Variants in TEX14 observed in about 807,000 individuals in gnomAD.
The protein encoded by TEX14 is inactive serine/threonine-protein kinase TEX14.
TEX14 carries 168 observed loss-of-function variants against 178.6 expected under a neutral mutation model. The observed-to-expected ratio is 0.94, with a 90% CI of 0.83 to 1.07. TEX14 has a LOEUF of 1.07. Among genes scored for constraint, TEX14 ranks in the 50% least tolerant of loss-of-function variants. The probability of loss-of-function intolerance (pLI) is 0.00; values close to 1 mark genes in which losing one functional copy is unlikely to be tolerated. For missense variants in TEX14, 1,730 were observed against 1,753.6 expected (o/e 0.99, Z 0.24); for synonymous variants, 626 against 634.1 (o/e 0.99, Z 0.19).
chr17:58,628,096 A>T (rs1011320994), intron 3 of TEX14, among the ~76,000 whole-genome samples: 1 of 152,000 alleles, frequency 6.6e-6, no homozygotes, highest in Non-Finnish European at 1.5e-5. Context: ...AATACGGTAG[A>T]GCCAGTAGAG....
chr17:58,627,762 T>A (rs977331397), intron 3 of TEX14, among the ~76,000 whole-genome samples: 1 of 124,412 alleles, frequency 8.0e-6, no homozygotes, highest in Non-Finnish European at 1.7e-5. Context: ...AGAGCAAGAC[T>A]CTATCTCAAA....
intron 2 of TEX14, chr17:58,631,595 G>A (rs544270340): frequency 6.8e-6 from 1 of 147,176 alleles, no homozygotes; most frequent in South Asian, 2.2e-4. Flanking sequence ...TTAAAAACAT[G>A]AGGAAACCAA....
At position 58,598,880 on chromosome 17, in the gene TEX14, C is replaced by T; in HGVS notation, c.2465G>A (p.Arg822Lys). The T allele has an allele frequency of 6.3e-7, 1 of 1,593,082 alleles. No individual in the cohort carries two copies. The highest frequency in any genetic ancestry group is 8.5e-7 in the Non-Finnish European group (1 of 1,170,734). The stretch of plus-strand genomic sequence containing the variant: ...TCCCCCTTGAAAGTCTCTTACCATT[C>T]TTGGAAATCTTGGTAGGGTTGGGTA... ...GNYPTLPRFP[R>K]MLPTLCDPGK... The change falls in exon 14 of 32, where the codon AGA becomes AAA. Residue 822 changes from arginine to lysine, a missense_variant. This residue lies in a region of TEX14 where 941 missense variants were observed against 1,072.4 expected (regional missense o/e 0.88). Coordinates refer to ENST00000349033, the MANE Select transcript of TEX14 (RefSeq NM_031272.5).
intron 10 of TEX14, 32 bp downstream of exon 10, chr17:58,611,129 C>T (rs1302149959): frequency 1.3e-6 from 2 of 1,571,242 alleles, no homozygotes; most frequent in South Asian, 1.1e-5. Flanking sequence ...AGATCAACTT[C>T]AGGAGAAAGT....
chr17:58,667,957 C>A (rs1005320218), intron 1 of TEX14, among the ~76,000 whole-genome samples: 2 of 151,594 alleles, frequency 1.3e-5, no homozygotes, highest in Non-Finnish European at 1.5e-5. Flanking sequence ...GGCTTCTGAA[C>A]CTTCTCATAG....
chr17:58,595,204 G>C (rs1243693601), intron 14 of TEX14, among the ~76,000 whole-genome samples: 1 of 152,056 alleles, frequency 6.6e-6, no homozygotes, highest in Non-Finnish European at 1.5e-5. Flanking sequence ...AAAATTTTAA[G>C]AACTAAGAAA....
chr17:58,606,219 A>G (rs1025755844), intron 10 of TEX14, among the ~76,000 whole-genome samples: 4 of 152,218 alleles, frequency 2.6e-5, no homozygotes, highest in African/African-American at 7.2e-5. Flanking sequence ...GGGTAAACTC[A>G]GCACTGACTT....
intron 1 of TEX14, among the ~76,000 whole-genome samples, chr17:58,669,721 G>C (rs1173444442): frequency 8.6e-6 from 1 of 115,856 alleles, no homozygotes; most frequent in African/African-American, 3.5e-5. Context: ...GCAACAGAGA[G>C]AGACTCCGTC....
chr17:58,576,106 T>C (rs2044668603), intron 21 of TEX14, among the ~76,000 whole-genome samples: 1 of 152,246 alleles, frequency 6.6e-6, no homozygotes, highest in South Asian at 2.1e-4. Flanking sequence ...AAATTGAATG[T>C]TATTGTGCCA....
chr17:58,561,125 T>G (rs2044265171), intron 29 of TEX14, among the ~76,000 whole-genome samples: 1 of 152,244 alleles, frequency 6.6e-6, no homozygotes. Flanking sequence ...TTTTACAGAA[T>G]CTAACATTTC....
At position 58,680,134 on chromosome 17, in the gene TEX14, C is replaced by T. The variant is rs565348166; in HGVS notation, c.-2+11805G>A. Among the ~76,000 whole-genome samples, 13 of 152,088 alleles carry T rather than the reference C, an allele frequency of 8.5e-5. No homozygotes were observed. The South Asian group carries it at 2.7e-3, about 32-fold the overall frequency. On this transcript the variant is annotated intron_variant, in intron 1 of 31. Transcript: ENST00000349033. ...TTGCTTTGTTGCCCAGGCTGGGGTACAGTAGTTATCGAACTTCTGGCCTCA... is the reference window on the plus strand; with the variant it reads ...TTGCTTTGTTGCCCAGGCTGGGGTATAGTAGTTATCGAACTTCTGGCCTCA...
intron 1 of TEX14, among the ~76,000 whole-genome samples, chr17:58,676,386 C>CA (rs577527311): frequency 7.4e-5 from 11 of 148,628 alleles, no homozygotes; most frequent in African/African-American, 1.2e-4. Context: ...CAAAAAAAAC[C>CA]AAAAAAACAA....
intron 28 of TEX14, among the ~76,000 whole-genome samples, chr17:58,563,071 TC>T (rs1442819234): frequency 1.1e-4 from 5 of 44,914 alleles, no homozygotes; most frequent in African/African-American, 2.7e-4. Flanking sequence ...AGACTCTGTC[TC>T]AAAAAAAAAA....
intron 6 of TEX14, among the ~76,000 whole-genome samples, chr17:58,616,858 G>A (rs1454964482): frequency 1.3e-5 from 2 of 152,224 alleles, no homozygotes; most frequent in African/African-American, 4.8e-5. Context: ...CTGGGACTGA[G>A]AAGCCCATTG....
intron 2 of TEX14, chr17:58,631,618 T>A (rs368243): frequency 6.8e-6 from 1 of 147,370 alleles, no homozygotes; most frequent in Non-Finnish European, 1.5e-5. Flanking sequence ...ACTATTAACA[T>A]CTGAAAAAAA....
intron 15 of TEX14, 103 bp from the exon 16 acceptor site, chr17:58,588,124 T>C (rs372071732): frequency 1.1e-5 from 7 of 642,034 alleles, no homozygotes; most frequent in Admixed American, 5.1e-5. Context: ...TTTTCAGAGG[T>C]AGAAGAAACC....
At position 58,611,185 on chromosome 17, in the gene TEX14, G is replaced by A. The variant is rs771409599; in HGVS notation, c.1160C>T (p.Thr387Ile). The A allele has an allele frequency of 1.2e-6, 2 of 1,613,918 alleles. No homozygotes were observed. Among genetic ancestry groups the A allele is most frequent in the Non-Finnish European group, 1.7e-6 (2 of 1,179,864 alleles). Reference sequence around the variant, plus strand: ...CCTTTCCAACATGTACTCCAGGTTGGTCAGCCTCGCTTCACCTGGGGAGAT... The same window carrying A: ...CCTTTCCAACATGTACTCCAGGTTGATCAGCCTCGCTTCACCTGGGGAGAT... The part of the protein sequence containing the change: ...HIISPGEARL[T>I]NLEYMLESED... The change falls in exon 10 of 32, where the codon ACC (threonine) becomes ATC (isoleucine). Residue 387 changes from threonine to isoleucine, a missense_variant. By Grantham distance (89) the Thr-to-Ile change is moderately conservative. Around this residue, in one of 2 missense-constraint regions of TEX14, gnomAD observed 789 missense variants for 681.2 expected, o/e 1.16. Coordinates refer to ENST00000349033, the MANE Select transcript of TEX14 (RefSeq NM_031272.5).
chr17:58,557,668 A>C, intron 31 of TEX14, 131 bp downstream of exon 31: 1 of 688,282 alleles, frequency 1.5e-6, no homozygotes, highest in South Asian at 2.1e-5. Context: ...ACATTTTAAA[A>C]ATTAAGCAAC....
rs189682195 is a variant in TEX14, at chr17:58,580,404, C to G, written c.3172-673G>C. Among the ~76,000 whole-genome samples the G allele has an allele frequency of 1.1e-4, 16 of 152,218 alleles. No homozygotes were observed. In the East Asian group the frequency reaches 3.1e-3, roughly 29 times the overall value. On this transcript the variant is annotated intron_variant, in intron 19 of 31. Coordinates refer to ENST00000349033, the MANE Select transcript of TEX14 (RefSeq NM_031272.5). ...TCAGCTCACTGCACCCTCTGTCCCC[C>G]GGGTTCAAGCAATTCTCCTGCCTCA...
Sources: allele counts gnomAD v4.1 joint callset (sites outside exome capture counted in the v4.1 genomes callset), GRCh38; gene constraint gnomAD v4.1.1; regional missense constraint gnomAD v4.1.1; transcripts MANE v1.5; gene names NCBI Gene and HGNC (gene_info 2026-07-23, HGNC 2026-07-21).